CIMAP2: variants seen among roughly 807,000 people sequenced by gnomAD.
The protein encoded by CIMAP2 is ciliary microtubule-associated protein 2.
the CIMAP2 span, chr1:54,817,197 C>T: frequency 3.2e-6 from 5 of 1,575,128 alleles, no homozygotes; most frequent in Non-Finnish European, 4.3e-6. Context: ...CTGGTGGTTC[C>T]CCATGTTTGG....
chr1:54,813,482 G>A, the CIMAP2 span, among the ~76,000 whole-genome samples: 3 of 152,264 alleles, frequency 2.0e-5, no homozygotes, highest in Admixed American at 6.5e-5. Context: ...TTAAGACATC[G>A]TTCCTGCTTA....
At chr1:54,809,647 G>A in the CIMAP2 span, among the ~76,000 whole-genome samples, 1 of 152,194 alleles carries the variant, frequency 6.6e-6, no homozygotes, top group South Asian at 2.1e-4. Context: ...TGTCCAACAT[G>A]TACCTTGCAT....
the CIMAP2 span, among the ~76,000 whole-genome samples, chr1:54,841,100 C>T: frequency 7.2e-5 from 11 of 152,180 alleles, no homozygotes; most frequent in African/African-American, 2.4e-4. Flanking sequence ...AAAGACCTCT[C>T]TTACCCTAGT....
At chr1:54,806,880 T>C in the CIMAP2 span, 9 of 950,874 alleles carry the variant, frequency 9.5e-6, no homozygotes, top group East Asian at 2.4e-5. Flanking sequence ...TTTTCTTTCA[T>C]GAGCTTGCTC....
chr1:54,826,362 A>G, the CIMAP2 span, among the ~76,000 whole-genome samples: 1 of 152,158 alleles, frequency 6.6e-6, no homozygotes, highest in South Asian at 2.1e-4. Flanking sequence ...ATGGGCTAGA[A>G]TGCTAGGGAC....
At chr1:54,811,766 C>CGGGGGGGGCGG in the CIMAP2 span, 5 of 1,305,184 alleles carry the variant, frequency 3.8e-6, no homozygotes, top group Non-Finnish European at 5.4e-6. Context: ...GTTCTGACAG[C>CGGGGGGGGCGG]CTCCATGCCC....
At chr1:54,825,949 G>C in the CIMAP2 span, among the ~76,000 whole-genome samples, 124 of 152,260 alleles carry the variant, frequency 8.1e-4, no homozygotes, top group African/African-American at 2.7e-3. Flanking sequence ...GGAGATGCAT[G>C]CATGGGCAGT....
chr1:54,806,631 C>A, the CIMAP2 span, among the ~76,000 whole-genome samples: 1 of 147,112 alleles, frequency 6.8e-6, no homozygotes, highest in African/African-American at 2.5e-5. Context: ...GTGTTCCAGG[C>A]ACAGTTCTAG....
the CIMAP2 span, chr1:54,814,083 G>C: frequency 7.6e-7 from 1 of 1,320,840 alleles, no homozygotes; most frequent in Non-Finnish European, 1.0e-6. Context: ...TCAGTCTTGG[G>C]ATCAGACTGA....
the CIMAP2 span, among the ~76,000 whole-genome samples, chr1:54,829,221 C>T: frequency 2.0e-5 from 3 of 152,166 alleles, no homozygotes; most frequent in Non-Finnish European, 2.9e-5. Flanking sequence ...ACACAGAATA[C>T]GAGTTCCCCT....
chr1:54,809,300 C>G, the CIMAP2 span, among the ~76,000 whole-genome samples: 1 of 152,130 alleles, frequency 6.6e-6, no homozygotes, highest in Non-Finnish European at 1.5e-5. Flanking sequence ...CACCTCACCA[C>G]TGGGAATGCT....
the CIMAP2 span, among the ~76,000 whole-genome samples, chr1:54,818,525 T>C: frequency 6.6e-6 from 1 of 152,210 alleles, no homozygotes; most frequent in Non-Finnish European, 1.5e-5. Flanking sequence ...TCTTTTGCTG[T>C]GGATTGCTCT....
At chr1:54,841,365 C>T in the CIMAP2 span, among the ~76,000 whole-genome samples, 1 of 152,136 alleles carries the variant, frequency 6.6e-6, no homozygotes, top group South Asian at 2.1e-4. Context: ...CTCAGGGTTT[C>T]CACTCATGGG....
chr1:54,841,852 C>T, the CIMAP2 span: 1 of 1,552,666 alleles, frequency 6.4e-7, no homozygotes, highest in Non-Finnish European at 8.7e-7. Context: ...CTGTGGATTA[C>T]AATTCAGATC....
At chr1:54,827,299 A>G in the CIMAP2 span, among the ~76,000 whole-genome samples, 1 of 152,220 alleles carries the variant, frequency 6.6e-6, no homozygotes, top group African/African-American at 2.4e-5. Flanking sequence ...TAGGGCAAGT[A>G]CCATGCCCAG....
the CIMAP2 span, among the ~76,000 whole-genome samples, chr1:54,827,951 C>T: frequency 6.6e-6 from 1 of 152,062 alleles, no homozygotes. Context: ...ATAGCAGGTC[C>T]TTTGAGGCTT....
the CIMAP2 span, chr1:54,816,974 C>A: frequency 6.2e-7 from 1 of 1,614,112 alleles, no homozygotes; most frequent in Admixed American, 1.7e-5. Context: ...TCCTGCCATC[C>A]TCTCCCTGTT....
the CIMAP2 span, among the ~76,000 whole-genome samples, chr1:54,816,385 G>C: frequency 3.3e-5 from 5 of 152,254 alleles, no homozygotes; most frequent in Non-Finnish European, 7.4e-5. Flanking sequence ...GTGTTACCTT[G>C]GGCAAGTTGC....
At chr1:54,822,140 C>T in the CIMAP2 span, among the ~76,000 whole-genome samples, 12,847 of 144,830 alleles carry the variant, frequency 0.089, 2,487 homozygotes, top group East Asian at 0.29. Flanking sequence ...CCTCGTGATC[C>T]GCCCGCCTCG....
Sources: allele counts gnomAD v4.1 joint callset (sites outside exome capture counted in the v4.1 genomes callset), GRCh38; gene constraint gnomAD v4.1.1; transcripts MANE v1.5; gene names NCBI Gene and HGNC (gene_info 2026-07-23, HGNC 2026-07-21).